Variants in SYNE2 observed in about 807,000 individuals in gnomAD.
SYNE2 encodes spectrin repeat containing nuclear envelope protein 2.
In SYNE2, 431 loss-of-function variants were observed where a neutral mutation model predicts 856.3. That is an observed-to-expected ratio of 0.50 (90% confidence interval 0.47 to 0.55). The LOEUF (loss-of-function observed/expected upper bound fraction) is 0.55. SYNE2 is among the 20% of genes least tolerant of loss of function. The pLI is 0.00. For synonymous variants in SYNE2, 2,923 were observed against 2,872.3 expected (o/e 1.02, Z -0.56); for missense variants, 8,129 against 8,023.2 (o/e 1.01, Z -0.50).
intron 96 of SYNE2, among the ~76,000 whole-genome samples, chr14:64,183,206 G>A (rs1190226349): frequency 1.3e-5 from 2 of 149,588 alleles, no homozygotes; most frequent in East Asian, 2.0e-4. Flanking sequence ...GGACGTGGCA[G>A]CTGCCGGGCG....
chr14:64,088,435 T>C (rs908260651), intron 58 of SYNE2, among the ~76,000 whole-genome samples: 3 of 152,210 alleles, frequency 2.0e-5, no homozygotes, highest in African/African-American at 7.2e-5. Flanking sequence ...TACTGATTTT[T>C]AAATGCTGGA....
chr14:64,047,248 CGACT>C, intron 45 of SYNE2, among the ~76,000 whole-genome samples: 1 of 152,268 alleles, frequency 6.6e-6, no homozygotes, highest in East Asian at 1.9e-4. Context: ...CCTCCTCTAC[CGACT>C]GAGTCTGGTG....
intron 94 of SYNE2, chr14:64,174,045 A>T: frequency 1.6e-6 from 1 of 609,738 alleles, no homozygotes; most frequent in Non-Finnish European, 2.9e-6. Flanking sequence ...AAAAATAAAA[A>T]TAAACAAGAC....
intron 63 of SYNE2, among the ~76,000 whole-genome samples, chr14:64,100,798 T>C (rs2097722304): frequency 6.6e-6 from 1 of 151,470 alleles, no homozygotes; most frequent in Non-Finnish European, 1.5e-5. Flanking sequence ...TTAATGTCCT[T>C]TGACAGACAT....
Position 63,941,943 on chromosome 14 carries a change from C to G in SYNE2, c.296C>G (p.Thr99Arg), listed in dbSNP as rs557215551. 41 of 1,612,748 alleles carry G rather than the reference C, an allele frequency of 2.5e-5. No homozygotes were observed. The highest frequency in any genetic ancestry group is 3.4e-5 in the Non-Finnish European group (40 of 1,179,748). ...QCRINIEHAL[T>R]FLRNRSIKLI... ...AGAATCAATATAGAACATGCCTTGACATTCCTAAGAAACCGATCAGTAAGT... is the reference window on the plus strand; with the variant it reads ...AGAATCAATATAGAACATGCCTTGAGATTCCTAAGAAACCGATCAGTAAGT... Residue 99 changes from threonine to arginine, a missense_variant, in exon 5 of 116, where the codon ACA (threonine) becomes AGA (arginine). Coordinates refer to ENST00000555002, the MANE Select transcript of SYNE2 (RefSeq NM_182914.3).
chr14:63,922,284 C>T (rs1252518112), intron 2 of SYNE2, among the ~76,000 whole-genome samples: 1 of 152,206 alleles, frequency 6.6e-6, no homozygotes. Context: ...AGATTACAGG[C>T]ACAAGCCCCC....
At chr14:63,860,310 ACTGCCTCCTTTT>A (rs2140149923) in intron 1 of SYNE2, among the ~76,000 whole-genome samples, 1 of 151,982 alleles carries the variant, frequency 6.6e-6, no homozygotes, top group African/African-American at 2.4e-5. Flanking sequence ...TGCAGGGTGC[ACTGCCTCCTTTT>A]CTTTCCTCTG....
Position 64,051,548 on chromosome 14 carries a change from T to A in SYNE2, c.7644-9T>A. On this transcript the variant is annotated splice_polypyrimidine_tract_variant and intron_variant, in intron 47 of 115. Transcript: ENST00000555002. ...ATATTAACAAGCTCTATTTTTATTC[T>A]TTTTCTAGAGGACCACTGGACAGTG... 1 of 1,605,518 alleles carries A rather than the reference T, an allele frequency of 6.2e-7. No homozygotes were observed. Among genetic ancestry groups the A allele is most frequent in the Non-Finnish European group, 8.5e-7 (1 of 1,177,056 alleles).
intron 2 of SYNE2, among the ~76,000 whole-genome samples, chr14:63,931,410 C>T (rs541618389): frequency 2.0e-4 from 30 of 151,874 alleles, no homozygotes; most frequent in African/African-American, 6.5e-4. Context: ...ATTAGCCGGG[C>T]GTGGTGGAGG....
In SYNE2 at chr14:64,122,153, A is replaced by C. The variant is rs758837174; in HGVS notation, c.13280+20A>C. 5.6e-6 allele frequency: 9 copies of C among 1,614,052 alleles called. No individual in the cohort carries two copies. The African/African-American group carries it at 1.1e-4, about 19-fold the overall frequency. Reference sequence around the variant, plus strand: ...TGCAAGGTAAAACATTTAAAAATAGAGTTGGTCATTCAGTGGTTTTATGAC... The same window carrying C: ...TGCAAGGTAAAACATTTAAAAATAGCGTTGGTCATTCAGTGGTTTTATGAC... On this transcript the variant is annotated intron_variant, in intron 69 of 115. Coordinates refer to ENST00000555002, the MANE Select transcript of SYNE2 (RefSeq NM_182914.3).
chr14:64,127,654 T>C (rs2097961638), intron 73 of SYNE2, among the ~76,000 whole-genome samples: 2 of 152,114 alleles, frequency 1.3e-5, no homozygotes, highest in Admixed American at 1.3e-4. Context: ...CTAAAGTGAA[T>C]TGGAGAGGCA....
chr14:64,183,761 C>T (rs561455286), intron 96 of SYNE2, among the ~76,000 whole-genome samples: 3 of 152,072 alleles, frequency 2.0e-5, no homozygotes, highest in African/African-American at 2.4e-5. Flanking sequence ...CAAAAAAATA[C>T]GAAAACCAGA....
chr14:64,048,007 C>G lies in SYNE2; in HGVS notation c.7229C>G (p.Ala2410Gly). 1 of 1,613,636 alleles carries G rather than the reference C, an allele frequency of 6.2e-7. No individual in the cohort carries two copies. The highest frequency in any genetic ancestry group is 8.5e-7 in the Non-Finnish European group (1 of 1,179,772). Residue 2410 changes from alanine to glycine, a missense_variant, in exon 46 of 116, where the codon GCT (alanine) becomes GGT (glycine). Physicochemically the swap from Ala to Gly is moderately conservative, Grantham distance 60. Around this residue, in one of 3 missense-constraint regions of SYNE2, gnomAD observed 5,410 missense variants for 5,284.8 expected, o/e 1.02. Coordinates refer to ENST00000555002, the MANE Select transcript of SYNE2 (RefSeq NM_182914.3). ...TCTTTTTATGTATTTCAGGATTCAG[C>G]TGTGGAAATGGCTATGTCAAAACAA... is the stretch of plus-strand genomic sequence containing the variant. ...EEDWEINKDS[A>G]VEMAMSKQLS...
chr14:63,973,054 A>G (rs1161668847), intron 11 of SYNE2, among the ~76,000 whole-genome samples: 3 of 151,916 alleles, frequency 2.0e-5, no homozygotes, highest in African/African-American at 7.3e-5. Flanking sequence ...CAGGAGTTCA[A>G]GACTAGCCCT....
At chr14:64,094,343 A>AC (rs1047716114) in intron 61 of SYNE2, among the ~76,000 whole-genome samples, 3 of 151,774 alleles carry the variant, frequency 2.0e-5, no homozygotes, top group African/African-American at 7.3e-5. Flanking sequence ...CAAAAAAATT[A>AC]AAAAAAATAA....
chr14:63,958,535 T>C (rs2994421), intron 8 of SYNE2, among the ~76,000 whole-genome samples: 103,473 of 152,108 alleles, frequency 0.68, 35,431 homozygotes, highest in South Asian at 0.77. Flanking sequence ...CAAGGGTATA[T>C]ATTGTCAACA....
At chr14:64,028,975 A>C (rs2097006584) in intron 43 of SYNE2, among the ~76,000 whole-genome samples, 1 of 152,084 alleles carries the variant, frequency 6.6e-6, no homozygotes, top group Non-Finnish European at 1.5e-5. Flanking sequence ...GTCTCTACTA[A>C]AAATACAAAA....
chr14:64,004,491 G>A (rs1463963907), intron 30 of SYNE2, among the ~76,000 whole-genome samples: 1 of 152,002 alleles, frequency 6.6e-6, no homozygotes, highest in Non-Finnish European at 1.5e-5. Flanking sequence ...CACCACGCCT[G>A]GCTAATTTTT....
intron 1 of SYNE2, among the ~76,000 whole-genome samples, chr14:63,812,960 A>G (rs1027852614): frequency 5.9e-5 from 9 of 152,324 alleles, no homozygotes; most frequent in Admixed American, 5.9e-4. Flanking sequence ...TTCTGGCCCT[A>G]CAGGTGAGTA....
Sources: gnomAD v4.1 joint callset for allele counts (sites outside exome capture counted in the v4.1 genomes callset) on GRCh38, gnomAD v4.1.1 for gene constraint, gnomAD v4.1.1 regional missense constraint, MANE v1.5 for transcripts, NCBI Gene and HGNC (gene_info 2026-07-23, HGNC 2026-07-21) for gene names.